Variants in PEPD observed in about 807,000 individuals in gnomAD.
The protein encoded by PEPD is xaa-Pro dipeptidase.
A neutral mutation model predicts 60.7 loss-of-function variants in PEPD; 53 were observed. That is an observed-to-expected ratio of 0.87 (90% confidence interval 0.70 to 1.10). The LOEUF (loss-of-function observed/expected upper bound fraction) is 1.10. Ranked by LOEUF, PEPD falls within the 50% of genes least tolerant of loss-of-function variation. The pLI is 0.00. For missense variants in PEPD, 711 were observed against 711.9 expected, an observed-to-expected ratio of 1.00 and a Z score of 0.01; for synonymous variants, 267 against 284.1, an observed-to-expected ratio of 0.94 and a Z score of 0.60.
intron 9 of PEPD, among the ~76,000 whole-genome samples, chr19:33,426,535 C>G (rs1011191205): frequency 2.6e-5 from 4 of 152,258 alleles, no homozygotes; most frequent in African/African-American, 9.6e-5. Flanking sequence ...AGTTCCCTCC[C>G]TATCGTCCTC....
chr19:33,433,360 CAAGGTACACCA>C (rs1249738915), intron 9 of PEPD, among the ~76,000 whole-genome samples: 1 of 152,238 alleles, frequency 6.6e-6, no homozygotes, highest in Non-Finnish European at 1.5e-5. Context: ...CACAAACACA[CAAGGTACACCA>C]AAGCCCTTGA....
chr19:33,404,358 G>T (rs1016812267), intron 11 of PEPD, among the ~76,000 whole-genome samples: 13 of 152,150 alleles, frequency 8.5e-5, no homozygotes, highest in African/African-American at 2.9e-4. Context: ...CCTAGGAGGC[G>T]CCAAATCAGA....
chr19:33,415,454 T>C (rs1242231880), intron 9 of PEPD, among the ~76,000 whole-genome samples: 1 of 152,132 alleles, frequency 6.6e-6, no homozygotes, highest in African/African-American at 2.4e-5. Context: ...GGAGGACTGC[T>C]TGAGGCCGGG....
At chr19:33,404,389 C>A (rs745637478) in intron 11 of PEPD, among the ~76,000 whole-genome samples, 21 of 152,052 alleles carry the variant, frequency 1.4e-4, no homozygotes, top group Non-Finnish European at 2.6e-4. Context: ...CAACAGCAGC[C>A]GGGGCAGAAA....
At chr19:33,481,181 A>G (rs1235804170) in intron 6 of PEPD, among the ~76,000 whole-genome samples, 2 of 152,260 alleles carry the variant, frequency 1.3e-5, no homozygotes, top group East Asian at 3.8e-4. Flanking sequence ...AAAAGTTTAT[A>G]AGGGAATATT....
At chr19:33,497,381 C>T (rs1009695566) in intron 4 of PEPD, among the ~76,000 whole-genome samples, 1 of 152,268 alleles carries the variant, frequency 6.6e-6, no homozygotes, top group African/African-American at 2.4e-5. Context: ...CCGGTGATCC[C>T]GCCAGCCTTT....
intron 9 of PEPD, among the ~76,000 whole-genome samples, chr19:33,422,892 C>G (rs1052496896): frequency 2.6e-5 from 4 of 150,968 alleles, no homozygotes; most frequent in African/African-American, 9.7e-5. Context: ...ATCTATTCCT[C>G]TATCAATCAT....
chr19:33,410,813 T>C (rs542139239), intron 11 of PEPD, among the ~76,000 whole-genome samples: 1 of 152,294 alleles, frequency 6.6e-6, no homozygotes, highest in East Asian at 1.9e-4. Context: ...AGACAGGGCC[T>C]GCGTGGCTGT....
chr19:33,411,075 G>A (rs1377957395), intron 11 of PEPD, among the ~76,000 whole-genome samples: 1 of 152,294 alleles, frequency 6.6e-6, no homozygotes, highest in East Asian at 1.9e-4. Flanking sequence ...CCCGAGGGGC[G>A]GAGGCCGCAG....
At chr19:33,451,527 A>G (rs1284000873) in intron 9 of PEPD, among the ~76,000 whole-genome samples, 6 of 152,222 alleles carry the variant, frequency 3.9e-5, no homozygotes, top group Non-Finnish European at 7.3e-5. Context: ...TTAAAGCCAC[A>G]AAGGAAAAAA....
intron 5 of PEPD, among the ~76,000 whole-genome samples, chr19:33,490,821 G>A (rs1026993840): frequency 6.6e-6 from 1 of 152,012 alleles, no homozygotes; most frequent in Non-Finnish European, 1.5e-5. Context: ...GCACCACCAT[G>A]CCCAGCTAAT....
chr19:33,443,981 C>T (rs1969540668), intron 9 of PEPD, among the ~76,000 whole-genome samples: 1 of 145,930 alleles, frequency 6.9e-6, no homozygotes, highest in South Asian at 2.1e-4. Flanking sequence ...CGTGCGCGCG[C>T]ACACACACAC....
intron 1 of PEPD, among the ~76,000 whole-genome samples, chr19:33,519,087 T>C (rs1055828190): frequency 6.6e-6 from 1 of 152,088 alleles, no homozygotes; most frequent in Non-Finnish European, 1.5e-5. Context: ...ATCCTGTCTG[T>C]GGAAAGCTCA....
At chr19:33,454,888 T>C (rs1489670938) in intron 9 of PEPD, among the ~76,000 whole-genome samples, 1 of 152,220 alleles carries the variant, frequency 6.6e-6, no homozygotes, top group Non-Finnish European at 1.5e-5. Context: ...GTGATGACAA[T>C]GGCACTTCTG....
chr19:33,403,682 G>A (rs1332318106), intron 11 of PEPD, among the ~76,000 whole-genome samples: 1 of 152,224 alleles, frequency 6.6e-6, no homozygotes, highest in Non-Finnish European at 1.5e-5. Context: ...GATTTCTAAA[G>A]GAAAAACTTG....
At chr19:33,412,226 A>G (rs745438334) in intron 10 of PEPD, among the ~76,000 whole-genome samples, 5 of 152,216 alleles carry the variant, frequency 3.3e-5, no homozygotes, top group Non-Finnish European at 4.4e-5. Context: ...TCACAGCTGT[A>G]ATCCCAGTTA....
chr19:33,504,493 G>A (rs1032628960), intron 3 of PEPD, among the ~76,000 whole-genome samples: 4 of 152,264 alleles, frequency 2.6e-5, no homozygotes, highest in East Asian at 1.9e-4. Context: ...GCCGGGCACC[G>A]TGGCTCACGC....
chr19:33,449,671 G>C (rs1969659277), intron 9 of PEPD, among the ~76,000 whole-genome samples: 1 of 152,164 alleles, frequency 6.6e-6, no homozygotes, highest in Non-Finnish European at 1.5e-5. Context: ...TTTCAAAGAT[G>C]ACCCTGAGAT....
chr19:33,432,677 G>C (rs1969299025), intron 9 of PEPD, among the ~76,000 whole-genome samples: 1 of 152,210 alleles, frequency 6.6e-6, no homozygotes. Flanking sequence ...AGCAGGTATG[G>C]GCAAATCACC....
Sources: gnomAD v4.1 joint callset for allele counts (sites outside exome capture counted in the v4.1 genomes callset) on GRCh38, gnomAD v4.1.1 for gene constraint, MANE v1.5 for transcripts, NCBI Gene and HGNC (gene_info 2026-07-23, HGNC 2026-07-21) for gene names.